The following WDPCP variants were observed in gnomAD, a reference collection of about 807,000 sequenced individuals.
The protein encoded by WDPCP is WD repeat-containing and planar cell polarity effector protein fritz homolog.
WDPCP carries 71 observed loss-of-function variants against 93.1 expected under a neutral mutation model. The observed-to-expected ratio is 0.76, with a 90% CI of 0.63 to 0.93. The LOEUF is 0.93. Among genes scored for constraint, WDPCP ranks in the 40% least tolerant of loss-of-function variants. The pLI is 0.00. For synonymous variants in WDPCP, 315 were observed against 315.0 expected (o/e 1.00, Z 0.00); for missense variants, 844 against 887.4 (o/e 0.95, Z 0.62).
intron 3 of WDPCP, chr2:63,642,647 T>A (rs959972146): frequency 1.3e-5 from 2 of 152,164 alleles, no homozygotes; most frequent in Admixed American, 6.5e-5. Context: ...TGTATGTTGA[T>A]TTTTGTATCC....
At chr2:63,804,227 C>T (rs1438860000) in intron 2 of WDPCP, among the ~76,000 whole-genome samples, 1 of 151,898 alleles carries the variant, frequency 6.6e-6, no homozygotes. Context: ...CATAGAAATG[C>T]CCTGAAGAAC....
At chr2:63,150,790 A>C (rs919542904) in intron 17 of WDPCP, among the ~76,000 whole-genome samples, 1 of 152,212 alleles carries the variant, frequency 6.6e-6, no homozygotes, top group Non-Finnish European at 1.5e-5. Context: ...ATTAAGAGAA[A>C]TATGTTGAAA....
Position 63,174,812 on chromosome 2 carries a change from TG to T in WDPCP, c.1935del (p.Asp645GlufsTer6). ...TSGVELLGPLDRGDMLNEAFI... is the reference protein window; with the variant it reads ...TSGVELLGPLXRGDMLNEAFI... ...AATGCTTCATTTAGCATATCCCCTC[TG>T]TCCAAGGGTCCCAGGAGTTCTGTTG... On this transcript the variant is annotated frameshift_variant, in exon 15 of 18. Transcript: ENST00000272321. LOFTEE classifies it high-confidence loss of function. 1 of 1,613,900 alleles carries T rather than the reference TG, an allele frequency of 6.2e-7. No individual in the cohort carries two copies. The highest frequency in any genetic ancestry group is 8.5e-7 in the Non-Finnish European group (1 of 1,179,868).
intron 13 of WDPCP, among the ~76,000 whole-genome samples, chr2:63,270,660 TGCCA>T (rs1575026714): frequency 6.6e-6 from 1 of 152,100 alleles, no homozygotes; most frequent in Non-Finnish European, 1.5e-5. Flanking sequence ...GAAGAAAAGT[TGCCA>T]GCCAGCCAGG....
chr2:63,446,762 T>A (rs1200335851), intron 6 of WDPCP, among the ~76,000 whole-genome samples: 2 of 152,174 alleles, frequency 1.3e-5, no homozygotes, highest in Non-Finnish European at 2.9e-5. Context: ...AAGTGCCCCA[T>A]AGCAAGTAAT....
intron 12 of WDPCP, among the ~76,000 whole-genome samples, chr2:63,370,916 CCTT>C (rs1691324512): frequency 6.6e-6 from 1 of 151,602 alleles, no homozygotes; most frequent in Non-Finnish European, 1.5e-5. Context: ...AAACTTCCTT[CCTT>C]CTTTCTTCAG....
At chr2:63,203,546 AC>A (rs1264987528) in intron 14 of WDPCP, among the ~76,000 whole-genome samples, 1 of 152,100 alleles carries the variant, frequency 6.6e-6, no homozygotes, top group Non-Finnish European at 1.5e-5. Flanking sequence ...AAAATGTACA[AC>A]TATTTTTTAC....
chr2:63,363,605 A>G (rs1043187613), intron 12 of WDPCP, among the ~76,000 whole-genome samples: 1 of 152,158 alleles, frequency 6.6e-6, no homozygotes, highest in African/African-American at 2.4e-5. Flanking sequence ...AAAAATATAT[A>G]GAGTATTAAA....
chr2:63,188,443 A>G (rs1340727937), intron 14 of WDPCP, among the ~76,000 whole-genome samples: 2 of 151,680 alleles, frequency 1.3e-5, no homozygotes, highest in Non-Finnish European at 2.9e-5. Context: ...TAAGTCTGCC[A>G]TTGAACCCCT....
At chr2:63,196,456 A>G (rs1675441513) in intron 14 of WDPCP, among the ~76,000 whole-genome samples, 1 of 152,256 alleles carries the variant, frequency 6.6e-6, no homozygotes, top group South Asian at 2.1e-4. Flanking sequence ...ATGTGGGTAC[A>G]GGATTCCTAT....
rs182397486 is a variant in WDPCP at position 63,235,390 on chromosome 2, T to C, written c.1915+23917A>G. 7.4e-4 allele frequency among the ~76,000 whole-genome samples: 112 copies of C among 152,260 alleles called. 1 individual carries two copies. Among genetic ancestry groups the C allele is most frequent in the East Asian group, 3.9e-4 (2 of 5,188 alleles). On this transcript the variant is annotated intron_variant, in intron 14 of 17. Coordinates refer to ENST00000272321, the MANE Select transcript of WDPCP (RefSeq NM_015910.7). Reference sequence around the variant, plus strand: ...CAATCAAAAAAAGCCCTGGCACAGATGGATTCACAGGTGAATTAAACCAGA... The same window carrying C: ...CAATCAAAAAAAGCCCTGGCACAGACGGATTCACAGGTGAATTAAACCAGA...
intron 3 of WDPCP, among the ~76,000 whole-genome samples, chr2:63,649,106 T>C (rs1258260292): frequency 6.6e-6 from 1 of 152,194 alleles, no homozygotes. Flanking sequence ...GGTGAGCAAC[T>C]ATCATCACTA....
chr2:63,273,037 C>T (rs1035652196), intron 13 of WDPCP, among the ~76,000 whole-genome samples: 6 of 152,014 alleles, frequency 3.9e-5, no homozygotes, highest in Non-Finnish European at 8.8e-5. Context: ...TCCCATCAGA[C>T]TAACACTGGA....
At chr2:63,591,777 C>T (rs186322769), upstream of WDPCP, among the ~76,000 whole-genome samples, 1 of 152,120 alleles carries the variant, frequency 6.6e-6, no homozygotes, top group South Asian at 2.1e-4. Context: ...AATAGAAAAC[C>T]ACAGGCTATT....
At chr2:63,270,666 C>A (rs1357430673) in intron 13 of WDPCP, among the ~76,000 whole-genome samples, 1 of 152,090 alleles carries the variant, frequency 6.6e-6, no homozygotes, top group Non-Finnish European at 1.5e-5. Flanking sequence ...AAGTTGCCAG[C>A]CAGCCAGGAT....
intron 12 of WDPCP, among the ~76,000 whole-genome samples, chr2:63,370,305 A>AGACTT (rs1691275149): frequency 6.6e-6 from 1 of 152,104 alleles, no homozygotes; most frequent in Non-Finnish European, 1.5e-5. Context: ...TCCAGTTAAA[A>AGACTT]GACTTGAGGT....
At chr2:63,223,433 A>G (rs1292920769) in intron 14 of WDPCP, among the ~76,000 whole-genome samples, 1 of 152,190 alleles carries the variant, frequency 6.6e-6, no homozygotes, top group Non-Finnish European at 1.5e-5. Flanking sequence ...GCCATTATAA[A>G]GGCAATATTC....
chr2:63,663,196 C>A (rs1443769070), intron 2 of WDPCP, among the ~76,000 whole-genome samples: 1 of 152,208 alleles, frequency 6.6e-6, no homozygotes, highest in Non-Finnish European at 1.5e-5. Context: ...ATTTTAACTA[C>A]TAATTGGTAG....
intron 7 of WDPCP, chr2:63,437,961 G>A (rs924936305): frequency 2.1e-5 from 31 of 1,501,270 alleles, no homozygotes; most frequent in Non-Finnish European, 2.7e-5. Context: ...GATTTATTAG[G>A]GGATACTGAT....
Sources: allele counts gnomAD v4.1 joint callset (sites outside exome capture counted in the v4.1 genomes callset), GRCh38; gene constraint gnomAD v4.1.1; transcripts MANE v1.5; gene names NCBI Gene and HGNC (gene_info 2026-07-23, HGNC 2026-07-21).